Variants in EYS observed in about 807,000 individuals in gnomAD.
EYS encodes the protein EGF-like photoreceptor maintenance factor.
A neutral mutation model predicts 282.1 loss-of-function variants in EYS; 250 were observed. The observed-to-expected ratio is 0.89, with a 90% CI of 0.80 to 0.98. The LOEUF (loss-of-function observed/expected upper bound fraction) is 0.98, where lower values mean the gene tolerates loss of function less well. Ranked by LOEUF, EYS falls within the 50% of genes least tolerant of loss-of-function variation. The pLI is 0.00. For synonymous variants in EYS, 1,355 were observed against 1,282.9 expected (o/e 1.06, Z -1.20); for missense variants, 4,016 against 3,709.0 (o/e 1.08, Z -2.15).
chr6:64,159,816 A>G (rs1775049712), intron 31 of EYS, among the ~76,000 whole-genome samples: 1 of 152,092 alleles, frequency 6.6e-6, no homozygotes, highest in Non-Finnish European at 1.5e-5. Flanking sequence ...TTATAGCAGG[A>G]AATAAGAGCT....
At chr6:65,242,065 T>A (rs1407704692) in intron 12 of EYS, among the ~76,000 whole-genome samples, 1 of 152,126 alleles carries the variant, frequency 6.6e-6, no homozygotes, top group Non-Finnish European at 1.5e-5. Context: ...ATTACCTGTA[T>A]AATGACTCCA....
Position 64,033,846 on chromosome 6 carries a change from CTATA to C in EYS, c.6725+32488_6725+32491del, listed in dbSNP as rs1219965090. 4.2e-3 allele frequency among the ~76,000 whole-genome samples: 584 copies of C among 140,342 alleles called. 7 individuals are homozygous for C. The highest frequency in any genetic ancestry group is 0.015 in the African/African-American group (550 of 37,020). 92.1% of individuals were successfully genotyped at this position (140,342 alleles called of 152,430 possible). A position where few individuals can be genotyped will look rare whatever the true frequency, so the allele number is the denominator to read the frequency against. On this transcript the variant is annotated intron_variant, in intron 33 of 42. Coordinates refer to ENST00000503581, the MANE Select transcript of EYS (RefSeq NM_001142800.2). Reference sequence around the variant, plus strand: ...GAGATTACTCTCTCTCTCTCTCTCTCTATATATATATATATAAAATTGGGAGTGG... The same window carrying C: ...GAGATTACTCTCTCTCTCTCTCTCTCTATATATATATAAAATTGGGAGTGG...
intron 5 of EYS, among the ~76,000 whole-genome samples, chr6:65,425,800 G>T (rs1349894920): frequency 6.6e-6 from 1 of 152,006 alleles, no homozygotes; most frequent in African/African-American, 2.4e-5. Flanking sequence ...GATTTAACTG[G>T]TCATCTCAGC....
chr6:65,214,051 C>T (rs1235301183), intron 12 of EYS, among the ~76,000 whole-genome samples: 1 of 147,210 alleles, frequency 6.8e-6, no homozygotes, highest in Non-Finnish European at 1.5e-5. Flanking sequence ...CCCAGCTACT[C>T]GGGAGTCTGA....
intron 31 of EYS, among the ~76,000 whole-genome samples, chr6:64,204,604 C>G (rs1001057436): frequency 6.6e-6 from 1 of 152,026 alleles, no homozygotes; most frequent in Admixed American, 6.6e-5. Flanking sequence ...TACATACACA[C>G]TATATAGTAG....
intron 34 of EYS, among the ~76,000 whole-genome samples, chr6:63,996,908 A>G (rs1030875247): frequency 6.6e-6 from 1 of 152,158 alleles, no homozygotes; most frequent in Non-Finnish European, 1.5e-5. Context: ...AAATTAATAC[A>G]GGTGTTTTTT....
At chr6:65,482,200 C>T (rs902911114) in intron 5 of EYS, among the ~76,000 whole-genome samples, 1 of 151,954 alleles carries the variant, frequency 6.6e-6, no homozygotes, top group African/African-American at 2.4e-5. Flanking sequence ...CTAATAGCAA[C>T]CTAGAATAAG....
chr6:64,565,246 C>T (rs935912815), intron 26 of EYS, among the ~76,000 whole-genome samples: 3 of 151,872 alleles, frequency 2.0e-5, no homozygotes, highest in South Asian at 4.2e-4. Flanking sequence ...ATGCCATATC[C>T]GAGAAATATC....
chr6:64,825,249 T>C (rs1765015662), intron 19 of EYS, among the ~76,000 whole-genome samples: 1 of 152,054 alleles, frequency 6.6e-6, no homozygotes, highest in Non-Finnish European at 1.5e-5. Flanking sequence ...AATACAAAAT[T>C]GCATTCTCGT....
intron 22 of EYS, among the ~76,000 whole-genome samples, chr6:64,674,289 G>C (rs1232228415): frequency 6.6e-6 from 1 of 152,048 alleles, no homozygotes; most frequent in Non-Finnish European, 1.5e-5. Flanking sequence ...TGTTCAATAG[G>C]TGCTCTGAGA....
At chr6:64,870,523 C>T (rs1766564131) in intron 19 of EYS, among the ~76,000 whole-genome samples, 1 of 147,768 alleles carries the variant, frequency 6.8e-6, no homozygotes, top group Non-Finnish European at 1.5e-5. Context: ...ACAAACATCA[C>T]AAGGCATAGT....
intron 29 of EYS, among the ~76,000 whole-genome samples, chr6:64,320,795 AT>A (rs1770189547): frequency 6.6e-6 from 1 of 151,650 alleles, no homozygotes; most frequent in Non-Finnish European, 1.5e-5. Flanking sequence ...ATTCTTCCAG[AT>A]TTTTCCCTGT....
intron 31 of EYS, among the ~76,000 whole-genome samples, chr6:64,148,958 G>T (rs1471841247): frequency 6.6e-6 from 1 of 152,142 alleles, no homozygotes; most frequent in Non-Finnish European, 1.5e-5. Flanking sequence ...AAAGTGTATT[G>T]TCATAGCCTC....
rs141894418 is a variant in EYS at position 63,755,659 on chromosome 6, G to T, written c.8071+6802C>A. On this transcript the variant is annotated intron_variant, in intron 41 of 42. Coordinates refer to ENST00000503581, the MANE Select transcript of EYS (RefSeq NM_001142800.2). ...ATATTTAAAGTAGTTTTTTTCCAAT[G>T]CTGTGAAGAAAGTCTTTGGTAGCTT... Among the ~76,000 whole-genome samples the T allele has an allele frequency of 9.1e-3, 1,379 of 152,118 alleles. 22 individuals carry two copies. The highest frequency in any genetic ancestry group is 0.031 in the African/African-American group (1,293 of 41,538).
intron 5 of EYS, among the ~76,000 whole-genome samples, chr6:65,455,338 A>G (rs1412745400): frequency 6.6e-6 from 1 of 152,136 alleles, no homozygotes; most frequent in Non-Finnish European, 1.5e-5. Flanking sequence ...TAATTTTTGT[A>G]TGATGATTTT....
At chr6:65,672,206 A>T (rs191699952) in intron 1 of EYS, among the ~76,000 whole-genome samples, 1 of 152,194 alleles carries the variant, frequency 6.6e-6, no homozygotes, top group Admixed American at 6.5e-5. Context: ...TTTCGGGAGG[A>T]GCTGCCTGAA....
intron 28 of EYS, among the ~76,000 whole-genome samples, chr6:64,421,370 A>G (rs1774227320): frequency 6.6e-6 from 1 of 152,170 alleles, no homozygotes; most frequent in African/African-American, 2.4e-5. Context: ...CGTGGGGATT[A>G]TGAGACCTAA....
chr6:65,061,128 C>G (rs1367682545), intron 12 of EYS, among the ~76,000 whole-genome samples: 1 of 151,868 alleles, frequency 6.6e-6, no homozygotes, highest in Non-Finnish European at 1.5e-5. Flanking sequence ...CATGATTTGG[C>G]AACAATAGGC....
At chr6:63,966,521 G>A (rs146475633) in intron 35 of EYS, among the ~76,000 whole-genome samples, 40 of 152,230 alleles carry the variant, frequency 2.6e-4, no homozygotes, top group African/African-American at 9.4e-4. Context: ...AAAAAAACTG[G>A]TTGCTGCTCA....
Sources: gnomAD v4.1 joint callset for allele counts (sites outside exome capture counted in the v4.1 genomes callset) on GRCh38, gnomAD v4.1.1 for gene constraint, MANE v1.5 for transcripts, NCBI Gene and HGNC (gene_info 2026-07-23, HGNC 2026-07-21) for gene names.